BCL2: variants seen among roughly 807,000 people sequenced by gnomAD.
BCL2 encodes BCL2 apoptosis regulator, also known as apoptosis regulator Bcl-2.
BCL2 carries 1 observed loss-of-function variant against 14.2 expected under a neutral mutation model. The observed-to-expected ratio is 0.07, with a 90% CI of 0.02 to 0.33. BCL2 has a LOEUF of 0.33. Among genes scored for constraint, BCL2 ranks in the 10% least tolerant of loss-of-function variants. The pLI, the probability that BCL2 is intolerant of heterozygous loss-of-function variation, is 0.99. For missense variants in BCL2, 247 were observed against 305.9 expected, an observed-to-expected ratio of 0.81 and a Z score of 1.44; for synonymous variants, 151 against 137.2, an observed-to-expected ratio of 1.10 and a Z score of -0.70.
intron 2 of BCL2, among the ~76,000 whole-genome samples, chr18:63,191,932 C>A (rs1599234851): frequency 6.6e-6 from 1 of 152,188 alleles, no homozygotes; most frequent in African/African-American, 2.4e-5. Flanking sequence ...AAATAACCTA[C>A]AAATACGTTT....
chr18:63,312,080 G>C (rs1913342522), intron 2 of BCL2, among the ~76,000 whole-genome samples: 1 of 152,206 alleles, frequency 6.6e-6, no homozygotes, highest in Non-Finnish European at 1.5e-5. Flanking sequence ...ACAGAATTTT[G>C]ACCTGCCCAG....
chr18:63,306,390 G>A (rs2144295230), intron 2 of BCL2, among the ~76,000 whole-genome samples: 1 of 152,272 alleles, frequency 6.6e-6, no homozygotes, highest in South Asian at 2.1e-4. Flanking sequence ...CTCATTAACG[G>A]TCTGGAGTGG....
At position 63,211,544 on chromosome 18, in the gene BCL2, C is replaced by A. The variant is rs4987789; in HGVS notation, c.586-82785G>T. 3.5e-3 allele frequency among the ~76,000 whole-genome samples: 540 copies of A among 152,338 alleles called. 6 individuals are homozygous for A. Among genetic ancestry groups the A allele is most frequent in the South Asian group, 0.03 (143 of 4,826 alleles). The stretch of plus-strand genomic sequence containing the variant: ...GTCTTCACCTTTAAACCTTCACTGA[C>A]TTCCCTTTGCAGGTGCACTGTCATT... On this transcript the variant is annotated intron_variant, in intron 2 of 2. Transcript: ENST00000333681.
intron 2 of BCL2, among the ~76,000 whole-genome samples, chr18:63,237,862 TTAAA>T (rs1910884069): frequency 6.6e-6 from 1 of 152,226 alleles, no homozygotes. Context: ...GTAATTGATT[TTAAA>T]TAGTTTTTTT....
chr18:63,227,597 T>A (rs989444645), intron 2 of BCL2, among the ~76,000 whole-genome samples: 1 of 152,120 alleles, frequency 6.6e-6, no homozygotes, highest in Non-Finnish European at 1.5e-5. Flanking sequence ...GAAAACAGTG[T>A]AAGAAAAAGT....
At chr18:63,286,107 A>C (rs1231024384) in intron 2 of BCL2, among the ~76,000 whole-genome samples, 1 of 152,216 alleles carries the variant, frequency 6.6e-6, no homozygotes, top group Non-Finnish European at 1.5e-5. Context: ...AGGCTGCCTG[A>C]TGCATTGACA....
Position 63,318,995 on chromosome 18 carries a change from G to T in BCL2, c.-286-43C>A. ...AAACAAACTAATAAGTAAAAAATCA[G>T]GTGCGTTTCCCTGTACACACTGAGT... On this transcript the variant is annotated intron_variant, in intron 1 of 2. Coordinates refer to ENST00000333681, the MANE Select transcript of BCL2 (RefSeq NM_000633.3). This position sits in a 1 kb window ranked among gnomAD's most constrained non-coding sequence, Gnocchi z 7.4. The T allele has an allele frequency of 8.1e-7, 1 of 1,237,172 alleles. No homozygotes were observed. 76.6% of individuals were successfully genotyped at this position (1,237,172 alleles called of 1,614,324 possible).
At chr18:63,190,206 T>C (rs967420413) in intron 2 of BCL2, among the ~76,000 whole-genome samples, 7 of 152,180 alleles carry the variant, frequency 4.6e-5, no homozygotes, top group South Asian at 2.1e-4. Flanking sequence ...AAGAATCCCA[T>C]GTAAGACTGT....
chr18:63,186,876 A>C (rs947762379), intron 2 of BCL2, among the ~76,000 whole-genome samples: 1 of 152,252 alleles, frequency 6.6e-6, no homozygotes, highest in Non-Finnish European at 1.5e-5. Context: ...ATAAAGAGAA[A>C]TGAAGAAAGA....
At chr18:63,141,664 C>A (rs1914365478) in intron 2 of BCL2, among the ~76,000 whole-genome samples, 1 of 152,230 alleles carries the variant, frequency 6.6e-6, no homozygotes, top group African/African-American at 2.4e-5. Context: ...GGGGATTCCA[C>A]AGGCAGACTG....
At chr18:63,215,634 G>A (rs1043478355) in intron 2 of BCL2, among the ~76,000 whole-genome samples, 1 of 152,202 alleles carries the variant, frequency 6.6e-6, no homozygotes, top group Non-Finnish European at 1.5e-5. Context: ...AATTAGAGTG[G>A]AAGGAGGGAA....
chr18:63,304,537 G>A (rs983756672), intron 2 of BCL2, among the ~76,000 whole-genome samples: 1 of 152,090 alleles, frequency 6.6e-6, no homozygotes, highest in Non-Finnish European at 1.5e-5. Flanking sequence ...GACTCTGAAG[G>A]ACTTCTTCAT....
At chr18:63,142,686 G>A (rs181681045) in intron 2 of BCL2, among the ~76,000 whole-genome samples, 30 of 152,326 alleles carry the variant, frequency 2.0e-4, no homozygotes, top group Middle Eastern at 6.8e-3. Flanking sequence ...TCAATCTACC[G>A]ATCAGGAAGA....
intron 2 of BCL2, among the ~76,000 whole-genome samples, chr18:63,137,267 C>A (rs1180078927): frequency 6.6e-6 from 1 of 152,228 alleles, no homozygotes; most frequent in African/African-American, 2.4e-5. Flanking sequence ...GCTAAATAAT[C>A]CTCGGCTGTT....
At chr18:63,188,843 A>T (rs1915653358) in intron 2 of BCL2, among the ~76,000 whole-genome samples, 1 of 152,102 alleles carries the variant, frequency 6.6e-6, no homozygotes, top group African/African-American at 2.4e-5. Context: ...AATATTATCC[A>T]TACAGACTTC....
rs555560473 is a variant in BCL2 at position 63,315,841 on chromosome 18, A to G, written c.585+2241T>C. 2.0e-5 allele frequency: 3 copies of G among 152,282 alleles called. No individual in the cohort carries two copies. In the South Asian group the frequency reaches 6.2e-4, roughly 32 times the overall value. The allele number at this position is 152,282 out of a possible 1,614,324, so 9.4% of individuals were successfully genotyped here. On this transcript the variant is annotated intron_variant, in intron 2 of 2. Coordinates refer to ENST00000333681, the MANE Select transcript of BCL2 (RefSeq NM_000633.3). The stretch of plus-strand genomic sequence containing the variant: ...TACCACTTTTATTCCAAAGTGTCCT[A>G]TGAGTGCATTTCCTGGTATATATAT...
intron 2 of BCL2, among the ~76,000 whole-genome samples, chr18:63,167,450 G>T (rs1915071330): frequency 6.6e-6 from 1 of 152,170 alleles, no homozygotes; most frequent in African/African-American, 2.4e-5. Flanking sequence ...TGACAAAGGA[G>T]ATTTAGAATT....
chr18:63,146,781 A>T (rs1914525513), intron 2 of BCL2, among the ~76,000 whole-genome samples: 1 of 152,162 alleles, frequency 6.6e-6, no homozygotes, highest in East Asian at 1.9e-4. Flanking sequence ...AAGTATTAGG[A>T]TCACGCCTGG....
At chr18:63,212,152 C>A (rs1910030898) in intron 2 of BCL2, among the ~76,000 whole-genome samples, 1 of 151,312 alleles carries the variant, frequency 6.6e-6, no homozygotes, top group Non-Finnish European at 1.5e-5. Flanking sequence ...ATGGTGAAAC[C>A]CCGTCTCTAC....
Sources: allele counts gnomAD v4.1 joint callset (sites outside exome capture counted in the v4.1 genomes callset), GRCh38; gene constraint gnomAD v4.1.1; non-coding constraint Gnocchi (gnomAD v3.1); transcripts MANE v1.5; gene names NCBI Gene and HGNC (gene_info 2026-07-23, HGNC 2026-07-21).